The following MPHOSPH9 variants were observed in gnomAD, a reference collection of about 807,000 sequenced individuals.
MPHOSPH9 encodes M-phase phosphoprotein 9.
A neutral mutation model predicts 145.5 loss-of-function variants in MPHOSPH9; 88 were observed. That is an observed-to-expected ratio of 0.60 (90% CI 0.51 to 0.72). MPHOSPH9 has a LOEUF of 0.72. Among genes scored for constraint, MPHOSPH9 ranks in the 30% least tolerant of loss-of-function variants. The pLI, the probability that MPHOSPH9 is intolerant of heterozygous loss-of-function variation, is 0.00. For missense variants in MPHOSPH9, 1,238 were observed against 1,386.6 expected (o/e 0.89, Z 1.70); for synonymous variants, 435 against 486.2 (o/e 0.89, Z 1.39).
At chr12:123,157,871 T>C (rs1247233008) in intron 23 of MPHOSPH9, among the ~76,000 whole-genome samples, 1 of 152,098 alleles carries the variant, frequency 6.6e-6, no homozygotes, top group Non-Finnish European at 1.5e-5. Flanking sequence ...ATAAAAGGAT[T>C]ATAGAACACT....
intron 6 of MPHOSPH9, 63 bp from the exon 7 acceptor site, chr12:123,214,897 G>A: frequency 1.5e-6 from 2 of 1,346,802 alleles, no homozygotes; most frequent in South Asian, 1.2e-5. Context: ...GCTGACCCAA[G>A]AAATGAGAGC....
chr12:123,163,761 T>C (rs1040155372), intron 19 of MPHOSPH9, 189 bp downstream of exon 19: 1 of 515,074 alleles, frequency 1.9e-6, no homozygotes, highest in South Asian at 4.7e-5. Flanking sequence ...TCATTTACAT[T>C]TGTAGTATCT....
chr12:123,201,685 C>T (rs553227574), intron 11 of MPHOSPH9, among the ~76,000 whole-genome samples: 51 of 152,170 alleles, frequency 3.4e-4, no homozygotes, highest in African/African-American at 1.2e-3. Flanking sequence ...GATCAAGTCC[C>T]GTTTAATGGT....
chr12:123,241,391 G>A (rs896108533), intron 1 of MPHOSPH9, among the ~76,000 whole-genome samples: 15 of 152,082 alleles, frequency 9.9e-5, no homozygotes, highest in Admixed American at 2.0e-4. Context: ...AGGCTGGAGC[G>A]CAATGGCGTG....
At position 123,169,530 on chromosome 12, in the gene MPHOSPH9, G is replaced by C. The variant is rs368523115; in HGVS notation, c.2457-2741C>G. Reference sequence around the variant, plus strand: ...AAAAAAAAATCTTCAAACATTCTTGGAAAATTACAAAGAATACTATAACAA... The same window carrying C: ...AAAAAAAAATCTTCAAACATTCTTGCAAAATTACAAAGAATACTATAACAA... On this transcript the variant is annotated intron_variant, in intron 16 of 23. Transcript: ENST00000606320. 9.9e-5 allele frequency among the ~76,000 whole-genome samples: 15 copies of C among 151,466 alleles called. No homozygotes were observed. In the East Asian group the frequency reaches 2.5e-3, roughly 26 times the overall value.
chr12:123,229,801 T>C (rs1593254042), intron 2 of MPHOSPH9, among the ~76,000 whole-genome samples: 2 of 150,400 alleles, frequency 1.3e-5, no homozygotes, highest in Non-Finnish European at 3.0e-5. Flanking sequence ...TATTCCTGAC[T>C]TAAACATCTG....
chr12:123,162,076 T>G (rs375615666), intron 21 of MPHOSPH9, 39 bp downstream of exon 21: 327 of 1,275,288 alleles, frequency 2.6e-4, no homozygotes, highest in Non-Finnish European at 3.4e-4. Context: ...AAAAAATGAA[T>G]GATTAAAACC....
rs576273253 is a variant in MPHOSPH9 at position 123,171,140 on chromosome 12, T to C, written c.2457-4351A>G. Among the ~76,000 whole-genome samples the C allele has an allele frequency of 4.9e-4, 75 of 152,332 alleles. 1 individual carries two copies. The highest frequency in any genetic ancestry group is 1.7e-3 in the African/African-American group (72 of 41,576). ...TGGATACTTTTCCTTTATTCGTTCCTGTTCACTTTAAAAATACAAAATATC... is the reference window on the plus strand; with the variant it reads ...TGGATACTTTTCCTTTATTCGTTCCCGTTCACTTTAAAAATACAAAATATC... On this transcript the variant is annotated intron_variant, in intron 16 of 23. Coordinates refer to ENST00000606320, the MANE Select transcript of MPHOSPH9 (RefSeq NM_022782.4).
chr12:123,193,827 T>TG (rs1421665348), intron 13 of MPHOSPH9, among the ~76,000 whole-genome samples: 1 of 151,782 alleles, frequency 6.6e-6, no homozygotes, highest in Non-Finnish European at 1.5e-5. Context: ...GACACAGTTT[T>TG]TTTTTTTTTT....
In MPHOSPH9 at chr12:123,242,068, A is replaced by G. The variant is rs181916526; in HGVS notation, c.-159+1785T>C. Among the ~76,000 whole-genome samples, 338 of 152,346 alleles carry G rather than the reference A, an allele frequency of 2.2e-3. 1 individual carries two copies. The highest frequency in any genetic ancestry group is 4.0e-3 in the Non-Finnish European group (270 of 68,026). ...AGACTCTTTAGGCTCTCTGAAGCCC[A>G]TGCCTGATACTCAATAGATGTTTTA... On this transcript the variant is annotated intron_variant, in intron 1 of 2. Coordinates refer to the MPHOSPH9 transcript ENST00000545406.
chr12:123,162,255 T>C, intron 20 of MPHOSPH9, 37 bp from the exon 21 acceptor site: 2 of 1,194,254 alleles, frequency 1.7e-6, no homozygotes, highest in Non-Finnish European at 2.3e-6. Flanking sequence ...AGAAAAAAAA[T>C]GTTAACTGAT....
At chr12:123,166,138 C>A (rs983391986) in intron 17 of MPHOSPH9, among the ~76,000 whole-genome samples, 9 of 152,188 alleles carry the variant, frequency 5.9e-5, no homozygotes, top group Admixed American at 4.6e-4. Flanking sequence ...CAAGGTCTCA[C>A]TCTGTCACCC....
intron 8 of MPHOSPH9, among the ~76,000 whole-genome samples, chr12:123,206,840 G>A (rs541937984): frequency 6.6e-6 from 1 of 151,060 alleles, no homozygotes; most frequent in South Asian, 2.1e-4. Context: ...CTTGAACCCA[G>A]GAGATGGAGG....
intron 8 of MPHOSPH9, among the ~76,000 whole-genome samples, chr12:123,204,746 A>T (rs937081987): frequency 1.3e-5 from 2 of 152,112 alleles, no homozygotes; most frequent in African/African-American, 2.4e-5. Context: ...GTGGTGGCGC[A>T]GGCCTGTAAT....
At chr12:123,196,974 A>G (rs2045975015) in intron 12 of MPHOSPH9, among the ~76,000 whole-genome samples, 1 of 146,690 alleles carries the variant, frequency 6.8e-6, no homozygotes, top group Admixed American at 6.8e-5. Context: ...AAAACTGAGT[A>G]GTGGTTGCCA....
At chr12:123,219,584 A>G (rs2047115420) in intron 5 of MPHOSPH9, among the ~76,000 whole-genome samples, 1 of 151,348 alleles carries the variant, frequency 6.6e-6, no homozygotes, top group African/African-American at 2.4e-5. Context: ...ACTAACAGTG[A>G]CTAATAATAC....
upstream of MPHOSPH9, among the ~76,000 whole-genome samples, chr12:123,234,522 A>C (rs376499153): frequency 3.4e-4 from 51 of 152,152 alleles, 1 homozygote; most frequent in East Asian, 9.5e-3. Flanking sequence ...CAGCCTCCCG[A>C]GTAGCCGGGA....
chr12:123,194,732 C>T lies in MPHOSPH9; in HGVS notation c.2026-131G>A, dbSNP rs569582953. 6.7e-6 allele frequency: 4 copies of T among 600,254 alleles called. No individual in the cohort carries two copies. The South Asian group carries it at 9.2e-5, about 14-fold the overall frequency. The allele number at this position is 600,254 out of a possible 1,614,324, so 37.2% of individuals were successfully genotyped here. On this transcript the variant is annotated intron_variant, in intron 12 of 23. Coordinates refer to ENST00000606320, the MANE Select transcript of MPHOSPH9 (RefSeq NM_022782.4). ...TGCCTCCCAGGTTCAAGCAATTCTCCTGCCTCAGCCTCCCGAGAGCTGCGA... is the reference window on the plus strand; with the variant it reads ...TGCCTCCCAGGTTCAAGCAATTCTCTTGCCTCAGCCTCCCGAGAGCTGCGA...
In MPHOSPH9 at chr12:123,161,312, C is replaced by T. The variant is rs150203848; in HGVS notation, c.3205G>A (p.Gly1069Arg). ...HSSCPEPVPN[G>R]VKKVSVRTAW... is the part of the protein sequence containing the mutation. Reference sequence around the variant, plus strand: ...GTTCTCACAGATACTTTCTTCACTCCATTTGGCACCGGTTCAGGGCAAGAG... The same window carrying T: ...GTTCTCACAGATACTTTCTTCACTCTATTTGGCACCGGTTCAGGGCAAGAG... The change falls in exon 22 of 24, where the codon GGA becomes AGA. Residue 1069 changes from glycine to arginine, a missense_variant. Gly to Arg is a moderately radical substitution (Grantham distance 125). Coordinates refer to ENST00000606320, the MANE Select transcript of MPHOSPH9 (RefSeq NM_022782.4). 8 of 1,613,948 alleles carry T rather than the reference C, an allele frequency of 5.0e-6. No individual in the cohort carries two copies. The African/African-American group carries it at 9.3e-5, about 19-fold the overall frequency.
Sources: allele counts gnomAD v4.1 joint callset (sites outside exome capture counted in the v4.1 genomes callset), GRCh38; gene constraint gnomAD v4.1.1; transcripts MANE v1.5; gene names NCBI Gene and HGNC (gene_info 2026-07-23, HGNC 2026-07-21).